Variants in MYOM1 observed in about 807,000 individuals in gnomAD.
MYOM1 encodes myomesin-1.
In MYOM1, 164 loss-of-function variants were observed where a neutral mutation model predicts 205.3. The ratio of observed to expected loss-of-function variants is 0.80; its 90% CI spans 0.70 to 0.91. MYOM1 has a LOEUF of 0.91. Ranked by LOEUF, MYOM1 falls within the 40% of genes least tolerant of loss-of-function variation. The probability of loss-of-function intolerance (pLI) is 0.00; values close to 1 mark genes in which losing one functional copy is unlikely to be tolerated. For missense variants in MYOM1, 2,011 were observed against 2,127.3 expected (o/e 0.95, Z 1.08); for synonymous variants, 772 against 789.4 (o/e 0.98, Z 0.37).
In MYOM1 at chr18:3,090,825, C is replaced by G. The variant is rs373506914; in HGVS notation, c.3865-23G>C. ...TTTCTTCAGTGTGAAAAGAAAATGACAGAGAAATCACTGAGGCATATATTT... is the reference window on the plus strand; with the variant it reads ...TTTCTTCAGTGTGAAAAGAAAATGAGAGAGAAATCACTGAGGCATATATTT... On this transcript the variant is annotated intron_variant, in intron 26 of 37. Coordinates refer to ENST00000356443, the MANE Select transcript of MYOM1 (RefSeq NM_003803.4). 4 of 1,613,044 alleles carry G rather than the reference C, an allele frequency of 2.5e-6. No individual in the cohort carries two copies. In the South Asian group the frequency reaches 4.4e-5, roughly 18 times the overall value.
chr18:3,216,745 T>C (rs752138456), intron 1 of MYOM1, among the ~76,000 whole-genome samples: 7 of 152,130 alleles, frequency 4.6e-5, no homozygotes, highest in Non-Finnish European at 1.0e-4. Flanking sequence ...TGAGAGGCCA[T>C]TGGAAGACTC....
intron 22 of MYOM1, among the ~76,000 whole-genome samples, chr18:3,105,659 A>T (rs1432411365): frequency 1.3e-5 from 2 of 152,130 alleles, no homozygotes; most frequent in African/African-American, 4.8e-5. Context: ...GTTCAAAACC[A>T]GCCTGGCCAA....
In MYOM1 at chr18:3,089,176, T is replaced by G; in HGVS notation, c.4135A>C (p.Lys1379Gln). 1 of 1,605,134 alleles carries G rather than the reference T, an allele frequency of 6.2e-7. No homozygotes were observed. Among genetic ancestry groups the G allele is most frequent in the Non-Finnish European group, 8.5e-7 (1 of 1,173,014 alleles). ...TTAAAAATTTATCTACCTCTTACCT[T>G]GCATTTCAATAGTACATTACATTCA... ...TGECNVLLKC[K>Q]VANIKKETHI... The change falls in exon 29 of 38, where the codon AAG becomes CAG. Residue 1379 changes from lysine to glutamine, a missense_variant and splice_region_variant. By Grantham distance (53) the Lys-to-Gln change is moderately conservative. Transcript: ENST00000356443.
intron 9 of MYOM1, among the ~76,000 whole-genome samples, chr18:3,168,327 T>C (rs1390409034): frequency 6.6e-6 from 1 of 152,060 alleles, no homozygotes; most frequent in Non-Finnish European, 1.5e-5. Flanking sequence ...AGTCTCTCCG[T>C]CGCCCAGGCG....
chr18:3,184,416 A>C (rs1238122754), intron 5 of MYOM1, among the ~76,000 whole-genome samples: 1 of 152,224 alleles, frequency 6.6e-6, no homozygotes, highest in Non-Finnish European at 1.5e-5. Flanking sequence ...TATCAGCTTC[A>C]TGCCAACAAA....
intron 2 of MYOM1, 84 bp downstream of exon 2, chr18:3,214,850 C>T: frequency 6.9e-7 from 1 of 1,444,976 alleles, no homozygotes; most frequent in Middle Eastern, 2.6e-4. Flanking sequence ...CGAACCGAAA[C>T]AAAGCGAGAA....
chr18:3,243,870 A>T, the MYOM1 span, among the ~76,000 whole-genome samples: 1 of 152,184 alleles, frequency 6.6e-6, no homozygotes, highest in South Asian at 2.1e-4. Flanking sequence ...AGGCACAGAT[A>T]ATAATAACTG....
intron 36 of MYOM1, 98 bp from the exon 37 acceptor site, chr18:3,071,987 CTTCTCCTGATAG>C (rs2078963558): frequency 3.9e-6 from 4 of 1,019,020 alleles, no homozygotes; most frequent in Non-Finnish European, 6.0e-6. Context: ...ATTTAGTTTC[CTTCTCCTGATAG>C]TTCTTTTATA....
At chr18:3,093,910 T>C (rs1019866906) in intron 26 of MYOM1, among the ~76,000 whole-genome samples, 1 of 152,202 alleles carries the variant, frequency 6.6e-6, no homozygotes, top group African/African-American at 2.4e-5. Flanking sequence ...ATGGGGATCA[T>C]ACATCTCGGT....
At chr18:3,246,010 G>A in the MYOM1 span, 1 of 152,208 alleles carries the variant, frequency 6.6e-6, no homozygotes, top group African/African-American at 2.4e-5. Flanking sequence ...CCCCACCACA[G>A]TGCTTGGCAA....
At chr18:3,200,636 G>A (rs1355545152) in intron 2 of MYOM1, among the ~76,000 whole-genome samples, 1 of 152,020 alleles carries the variant, frequency 6.6e-6, no homozygotes, top group Non-Finnish European at 1.5e-5. Flanking sequence ...TGTTAGATAA[G>A]GGAAGAAATA....
chr18:3,107,856 C>T (rs2079471980), intron 22 of MYOM1, among the ~76,000 whole-genome samples: 1 of 152,128 alleles, frequency 6.6e-6, no homozygotes, highest in African/African-American at 2.4e-5. Flanking sequence ...GATAATAGTC[C>T]TCTCTGTTCA....
intron 36 of MYOM1, among the ~76,000 whole-genome samples, chr18:3,072,688 T>G (rs2078974449): frequency 6.8e-6 from 1 of 147,086 alleles, no homozygotes; most frequent in African/African-American, 2.7e-5. Flanking sequence ...CACCGTCATA[T>G]TGTGTGTGTG....
In MYOM1 at chr18:3,102,616, C is replaced by A; in HGVS notation, c.3433G>T (p.Val1145Phe). ...ACTCCATCATCATCCACATTTACAA[C>A]AACCTCTTTGGTTCCTACAAGATCA... ...AETRPGTKEVVVNVDDDGVIS... is the reference protein window; with the variant it reads ...AETRPGTKEVFVNVDDDGVIS... The change falls in exon 23 of 38, where the codon GTT becomes TTT. Residue 1145 changes from valine (V) to phenylalanine (F), a missense_variant. Physicochemically the swap from Val to Phe is conservative, Grantham distance 50. Transcript: ENST00000356443. 2.5e-6 allele frequency: 4 copies of A among 1,613,338 alleles called. No individual in the cohort carries two copies. Among genetic ancestry groups the A allele is most frequent in the Non-Finnish European group, 3.4e-6 (4 of 1,179,638 alleles).
At chr18:3,100,477 G>T in intron 23 of MYOM1, 51 bp from the exon 24 acceptor site, 4 of 1,363,280 alleles carry the variant, frequency 2.9e-6, no homozygotes, top group Non-Finnish European at 3.1e-6. Context: ...GGATCTGTGG[G>T]CCTGTGTTTC....
chr18:3,241,782 G>A, the MYOM1 span, among the ~76,000 whole-genome samples: 640 of 152,324 alleles, frequency 4.2e-3, 9 homozygotes, highest in African/African-American at 0.015. Context: ...CCAGGAGGGA[G>A]GCTGTACCCT....
chr18:3,095,678 T>C (rs1393178607), intron 25 of MYOM1, among the ~76,000 whole-genome samples: 3 of 152,222 alleles, frequency 2.0e-5, no homozygotes, highest in African/African-American at 7.2e-5. Context: ...CTCACTTTAC[T>C]GGTCTCTTTA....
rs549386891 is a variant in MYOM1, at chr18:3,182,913, C to CTTTTT, written c.929+4562_929+4566dup. On this transcript the variant is annotated intron_variant, in intron 5 of 37. Transcript: ENST00000356443. ...CCTCTGCAACTAACTTTTCTTTCTTCTTTTTTTTTTTTTTTTTTTTTTTTT... is the reference window on the plus strand; with the variant it reads ...CCTCTGCAACTAACTTTTCTTTCTTCTTTTTTTTTTTTTTTTTTTTTTTTTTTTTT... 2.1e-3 allele frequency among the ~76,000 whole-genome samples: 194 copies of CTTTTT among 92,288 alleles called. 3 individuals are homozygous for CTTTTT. The highest frequency in any genetic ancestry group is 3.9e-3 in the Non-Finnish European group (168 of 43,310). The allele number at this position is 92,288 out of a possible 152,430, so 60.5% of individuals were successfully genotyped here. A position where few individuals can be genotyped will look rare whatever the true frequency, so the allele number is the denominator to read the frequency against.
At chr18:3,162,861 T>C (rs1446471448) in intron 10 of MYOM1, among the ~76,000 whole-genome samples, 2 of 151,804 alleles carry the variant, frequency 1.3e-5, no homozygotes, top group Non-Finnish European at 2.9e-5. Context: ...CCATCTCTAC[T>C]AAAAATACAA....
Sources: gnomAD v4.1 joint callset for allele counts (sites outside exome capture counted in the v4.1 genomes callset) on GRCh38, gnomAD v4.1.1 for gene constraint, MANE v1.5 for transcripts, NCBI Gene and HGNC (gene_info 2026-07-23, HGNC 2026-07-21) for gene names.